Variants in MAPK10 observed in about 807,000 individuals in gnomAD.
MAPK10 encodes the protein mitogen-activated protein kinase 10, also known as JNK3 alpha protein kinase.
A neutral mutation model predicts 59.3 loss-of-function variants in MAPK10; 25 were observed. That is an observed-to-expected ratio of 0.42 (90% CI 0.31 to 0.59). The LOEUF (loss-of-function observed/expected upper bound fraction) is 0.59, where lower values mean the gene tolerates loss of function less well. Among genes scored for constraint, MAPK10 ranks in the 20% least tolerant of loss-of-function variants. The pLI, the probability that MAPK10 is intolerant of heterozygous loss-of-function variation, is 0.15. For synonymous variants in MAPK10, 190 were observed against 200.5 expected (o/e 0.95, Z 0.44); for missense variants, 351 against 568.9 (o/e 0.62, Z 3.90).
At chr4:86,298,154 A>T (rs1584280608) in intron 2 of MAPK10, among the ~76,000 whole-genome samples, 1 of 152,066 alleles carries the variant, frequency 6.6e-6, no homozygotes, top group African/African-American at 2.4e-5. Flanking sequence ...GGTCCTCTCT[A>T]TGTACCTCCA....
At chr4:86,216,651 T>C (rs2087740189) in intron 2 of MAPK10, among the ~76,000 whole-genome samples, 1 of 151,866 alleles carries the variant, frequency 6.6e-6, no homozygotes, top group Non-Finnish European at 1.5e-5. Flanking sequence ...ATAGAAACAC[T>C]AAATGTTCAA....
chr4:86,064,932 G>T (rs1561199585), intron 10 of MAPK10: 1 of 152,362 alleles, frequency 6.6e-6, no homozygotes, highest in East Asian at 1.9e-4. Flanking sequence ...TTGAGACAGG[G>T]TATCCCTCTG....
rs563003588 is a variant in MAPK10, at chr4:86,548,033, C to T, written c.-263+45877G>A. ...GCTGCCTGATCCAGCAGTGGCAACC[C>T]GCTCAGGTCCCCTTCCACACTGTGG... On this transcript the variant is annotated intron_variant, in intron 1 of 4. Transcript: ENST00000502302. Among the ~76,000 whole-genome samples, 157 of 152,300 alleles carry T rather than the reference C, an allele frequency of 1.0e-3. 2 individuals are homozygous for T. The South Asian group carries it at 0.023, about 22-fold the overall frequency.
At chr4:86,452,926 C>G (rs371293933) in intron 1 of MAPK10, 1 of 152,296 alleles carries the variant, frequency 6.6e-6, no homozygotes, top group Non-Finnish European at 1.5e-5. Context: ...ATACTACGAG[C>G]GCCCAAACTG....
chr4:86,466,818 G>A (rs1315278242), intron 1 of MAPK10, among the ~76,000 whole-genome samples: 1 of 152,150 alleles, frequency 6.6e-6, no homozygotes, highest in East Asian at 1.9e-4. Context: ...TCCCTCCCAG[G>A]CTAACCTGCG....
At chr4:86,229,805 C>T (rs574235902) in intron 2 of MAPK10, among the ~76,000 whole-genome samples, 52 of 152,020 alleles carry the variant, frequency 3.4e-4, no homozygotes, top group African/African-American at 1.1e-3. Flanking sequence ...CCTATAACCA[C>T]GGCACTTTGT....
intron 9 of MAPK10, among the ~76,000 whole-genome samples, chr4:86,098,135 T>C (rs1297542313): frequency 6.6e-6 from 1 of 152,156 alleles, no homozygotes; most frequent in Admixed American, 6.6e-5. Flanking sequence ...TATGCCTAAA[T>C]ATTGTAGAAG....
Position 86,072,753 on chromosome 4 carries a change from A to C in MAPK10, c.803-4798T>G, listed in dbSNP as rs1285743658. 1.4e-4 allele frequency among the ~76,000 whole-genome samples: 10 copies of C among 73,770 alleles called. No homozygotes were observed. The East Asian group carries it at 2.9e-3, about 22-fold the overall frequency. The allele number at this position is 73,770 out of a possible 152,430, so 48.4% of individuals were successfully genotyped here. A position where few individuals can be genotyped will look rare whatever the true frequency, so the allele number is the denominator to read the frequency against. ...TCCCAGGGATGAAGCCCACTTGATC[A>C]TGGTGGATAAGCTTTTTGATGTGCT... On this transcript the variant is annotated intron_variant, in intron 9 of 13. Coordinates refer to ENST00000641462, the MANE Select transcript of MAPK10 (RefSeq NM_138982.4).
At chr4:86,339,378 C>T (rs1048918350) in intron 2 of MAPK10, among the ~76,000 whole-genome samples, 1 of 152,174 alleles carries the variant, frequency 6.6e-6, no homozygotes, top group African/African-American at 2.4e-5. Flanking sequence ...TTCACACACA[C>T]CACTGAGGTT....
Position 86,010,966 on chromosome 4 carries a change from G to A in MAPK10, c.*6262C>T, listed in dbSNP as rs1410101860. On this transcript the variant is annotated 3_prime_UTR_variant, in exon 14 of 14. Coordinates refer to ENST00000641462, the MANE Select transcript of MAPK10 (RefSeq NM_138982.4). ...TAAGAAATAAAGCCACGTACCCCAC[G>A]GAGTGAAATTTGAATTCCTTAAATT... The A allele has an allele frequency of 1.3e-5, 2 of 152,190 alleles. No homozygotes were observed. Among genetic ancestry groups the A allele is most frequent in the East Asian group, 1.9e-4 (1 of 5,196 alleles). The allele number at this position is 152,190 out of a possible 1,614,324, so 9.4% of individuals were successfully genotyped here.
chr4:86,143,660 C>G (rs767560676), intron 4 of MAPK10, among the ~76,000 whole-genome samples: 15 of 152,162 alleles, frequency 9.9e-5, no homozygotes, highest in Admixed American at 2.6e-4. Flanking sequence ...TTGCTCATGA[C>G]AGTAGCTCAA....
rs529247040 is a variant in MAPK10 at position 86,265,508 on chromosome 4, CAAA to C, written c.-6-71104_-6-71102del. 7.5e-3 allele frequency among the ~76,000 whole-genome samples: 867 copies of C among 114,934 alleles called. 7 individuals are homozygous for C. Among genetic ancestry groups the C allele is most frequent in the African/African-American group, 0.026 (812 of 31,824 alleles). The allele number at this position is 114,934 out of a possible 152,430, so 75.4% of individuals were successfully genotyped here. On this transcript the variant is annotated intron_variant, in intron 2 of 13. Coordinates refer to ENST00000641462, the MANE Select transcript of MAPK10 (RefSeq NM_138982.4). ...GGGGTGACAGAGCAAGTCTCCATCT[CAAA>C]AAAAAAAAAAAAGTATTATGATATG...
chr4:86,239,291 A>G (rs900311600), intron 2 of MAPK10, among the ~76,000 whole-genome samples: 11 of 152,174 alleles, frequency 7.2e-5, no homozygotes, highest in African/African-American at 2.7e-4. Flanking sequence ...CATCAGGGAT[A>G]TTGGCCTGAA....
intron 1 of MAPK10, among the ~76,000 whole-genome samples, chr4:86,379,034 TAA>T: frequency 6.6e-6 from 1 of 152,060 alleles, no homozygotes; most frequent in African/African-American, 2.4e-5. Flanking sequence ...GAAATGTAGG[TAA>T]GTATGGTCAC....
chr4:86,147,207 C>A (rs1212276095), intron 4 of MAPK10, among the ~76,000 whole-genome samples: 1 of 152,062 alleles, frequency 6.6e-6, no homozygotes, highest in African/African-American at 2.4e-5. Flanking sequence ...CCACCTCAGC[C>A]GCAGGAGTCG....
intron 2 of MAPK10, among the ~76,000 whole-genome samples, chr4:86,270,040 A>T (rs2094384749): frequency 6.6e-6 from 1 of 152,136 alleles, no homozygotes; most frequent in Non-Finnish European, 1.5e-5. Flanking sequence ...TAAATAAAAA[A>T]TACAAATATT....
At chr4:86,372,991 C>G (rs531521204) in intron 1 of MAPK10, among the ~76,000 whole-genome samples, 1 of 152,158 alleles carries the variant, frequency 6.6e-6, no homozygotes, top group Non-Finnish European at 1.5e-5. Flanking sequence ...AGGCATCATG[C>G]TACCTGACTT....
rs1259013886 is a variant in MAPK10, at chr4:86,573,349, AC to A, written c.-263+20560del. Reference sequence around the variant, plus strand: ...GTTTTCTGCATATGGATGTTCCAGCACCTTTTACTAACAATGTTTTACCTCA... The same window carrying A: ...GTTTTCTGCATATGGATGTTCCAGCACTTTTACTAACAATGTTTTACCTCA... On this transcript the variant is annotated intron_variant, in intron 1 of 4. Transcript: ENST00000502302. Among the ~76,000 whole-genome samples the A allele has an allele frequency of 3.9e-5, 6 of 152,140 alleles. No homozygotes were observed. The South Asian group carries it at 1.2e-3, about 31-fold the overall frequency.
At chr4:86,405,095 G>A (rs1179356498) in intron 1 of MAPK10, among the ~76,000 whole-genome samples, 1 of 152,110 alleles carries the variant, frequency 6.6e-6, no homozygotes, top group Non-Finnish European at 1.5e-5. Flanking sequence ...CTTACTGTCT[G>A]CTATCATGGT....
Sources: gnomAD v4.1 joint callset for allele counts (sites outside exome capture counted in the v4.1 genomes callset) on GRCh38, gnomAD v4.1.1 for gene constraint, MANE v1.5 for transcripts, NCBI Gene and HGNC (gene_info 2026-07-23, HGNC 2026-07-21) for gene names.